The following TPD52 variants were observed in gnomAD, a reference collection of about 807,000 sequenced individuals.
TPD52 encodes prostate and colon associated protein.
Under a neutral mutation model 31.3 loss-of-function variants are expected in TPD52, and 17 were observed. The ratio of observed to expected loss-of-function variants is 0.54; its 90% CI spans 0.37 to 0.82. TPD52 has a LOEUF of 0.82. Ranked by LOEUF, TPD52 falls within the 40% of genes least tolerant of loss-of-function variation. The pLI is 0.00. For synonymous variants in TPD52, 83 were observed against 89.6 expected, an observed-to-expected ratio of 0.93 and a Z score of 0.42; for missense variants, 212 against 240.1, an observed-to-expected ratio of 0.88 and a Z score of 0.77.
chr8:80,056,306 G>T (rs987051140), intron 2 of TPD52, among the ~76,000 whole-genome samples: 2 of 152,134 alleles, frequency 1.3e-5, no homozygotes, highest in Non-Finnish European at 2.9e-5. Flanking sequence ...ACATGTGGAC[G>T]CCAAGAAAAA....
chr8:80,131,315 C>T (rs912638915), intron 1 of TPD52, among the ~76,000 whole-genome samples: 5 of 152,214 alleles, frequency 3.3e-5, no homozygotes, highest in Non-Finnish European at 5.9e-5. Context: ...AATTAATAAA[C>T]TATTATTCTA....
chr8:80,039,951 G>A (rs7827979), intron 7 of TPD52, among the ~76,000 whole-genome samples: 23,593 of 151,800 alleles, frequency 0.16, 4,419 homozygotes, highest in African/African-American at 0.45. Context: ...AATTGTCTAG[G>A]CATCTTGCAG....
intron 1 of TPD52, among the ~76,000 whole-genome samples, chr8:80,147,912 A>G (rs992183408): frequency 6.6e-6 from 1 of 152,142 alleles, no homozygotes; most frequent in African/African-American, 2.4e-5. Context: ...AGTGAAATCA[A>G]CCATTACTGC....
chr8:80,148,807 G>C (rs4237108), intron 1 of TPD52, among the ~76,000 whole-genome samples: 79,069 of 151,868 alleles, frequency 0.52, 21,277 homozygotes, highest in East Asian at 0.79. Flanking sequence ...GAAGACTGAA[G>C]AACTACAAAG....
intron 1 of TPD52, among the ~76,000 whole-genome samples, chr8:80,139,991 A>G (rs558340516): frequency 1.6e-4 from 24 of 152,354 alleles, no homozygotes; most frequent in African/African-American, 4.8e-4. Flanking sequence ...CTAATTTCAT[A>G]TCTGACTGAA....
At chr8:80,102,375 T>A (rs1730940957) in intron 1 of TPD52, among the ~76,000 whole-genome samples, 1 of 152,114 alleles carries the variant, frequency 6.6e-6, no homozygotes, top group South Asian at 2.1e-4. Context: ...CCAGAGAAAG[T>A]GGTTGACAGA....
intron 1 of TPD52, among the ~76,000 whole-genome samples, chr8:80,128,190 TTGTA>T (rs1808765014): frequency 6.6e-6 from 1 of 152,112 alleles, no homozygotes; most frequent in African/African-American, 2.4e-5. Context: ...TCTGTTCATT[TTGTA>T]TATTTTTAAA....
At chr8:80,083,248 G>A (rs1346679877) in intron 1 of TPD52, among the ~76,000 whole-genome samples, 1 of 151,974 alleles carries the variant, frequency 6.6e-6, no homozygotes, top group Non-Finnish European at 1.5e-5. Flanking sequence ...TTATAAAGAT[G>A]ACTCTAGAAA....
At chr8:80,116,297 G>A (rs1263599168) in intron 1 of TPD52, among the ~76,000 whole-genome samples, 2 of 152,064 alleles carry the variant, frequency 1.3e-5, no homozygotes, top group East Asian at 3.9e-4. Context: ...AAGCAAGGTA[G>A]AACTAAAATC....
intron 1 of TPD52, among the ~76,000 whole-genome samples, chr8:80,159,396 C>T (rs972825522): frequency 2.8e-4 from 43 of 152,160 alleles, no homozygotes; most frequent in African/African-American, 8.7e-4. Flanking sequence ...TTCCATGGCT[C>T]CTACCACAGC....
chr8:80,036,635 T>C lies in TPD52; in HGVS notation c.*1481A>G, dbSNP rs1186719526. On this transcript the variant is annotated 3_prime_UTR_variant, in exon 8 of 8. Transcript: ENST00000518937. ...TAAGCTTTTCACATGTGATAGCACA[T>C]AGTTTTAATTGCATCCAAAGTACTA... The C allele has an allele frequency of 1.3e-5, 2 of 152,664 alleles. No individual in the cohort carries two copies. Among genetic ancestry groups the C allele is most frequent in the African/African-American group, 4.8e-5 (2 of 41,464 alleles). The allele number at this position is 152,664 out of a possible 1,614,324, so 9.5% of individuals were successfully genotyped here.
At chr8:80,052,586 A>G (rs1178716234) in intron 3 of TPD52, 13 of 1,282,928 alleles carry the variant, frequency 1.0e-5, no homozygotes, top group Non-Finnish European at 1.3e-5. Context: ...GTTAAATTGT[A>G]AAACAACTTC....
chr8:80,033,329 C>A (rs1422691623), downstream of TPD52: 2 of 47,592 alleles, frequency 4.2e-5, no homozygotes, highest in African/African-American at 9.4e-5. Flanking sequence ...GGGGGGGGGA[C>A]ATTGTTGGGG....
At position 80,037,982 on chromosome 8, in the gene TPD52, T is replaced by C. The variant is rs968860142; in HGVS notation, c.*134A>G. 5 of 1,270,492 alleles carry C rather than the reference T, an allele frequency of 3.9e-6. No homozygotes were observed. The Admixed American group carries it at 9.1e-5, about 23-fold the overall frequency. 78.7% of individuals were successfully genotyped at this position (1,270,492 alleles called of 1,614,324 possible). A position where few individuals can be genotyped will look rare whatever the true frequency, so the allele number is the denominator to read the frequency against. ...TTTTCATTTTGTTTAACCCACAAAC[T>C]ATTTGGTCAAAGGAATATGTAAAGC... is the stretch of plus-strand genomic sequence containing the variant. On this transcript the variant is annotated 3_prime_UTR_variant, in exon 8 of 8. Coordinates refer to ENST00000518937, the MANE Select transcript of TPD52 (RefSeq NM_001025253.3).
chr8:80,127,807 C>T (rs1167030634), intron 1 of TPD52: 3 of 122,754 alleles, frequency 2.4e-5, no homozygotes, highest in African/African-American at 8.3e-5. Context: ...CACACACACA[C>T]ACACACACAC....
At chr8:80,164,895 T>C (rs1182946112) in intron 1 of TPD52, among the ~76,000 whole-genome samples, 1 of 37,658 alleles carries the variant, frequency 2.7e-5, no homozygotes, top group Non-Finnish European at 4.3e-5. Flanking sequence ...GGAGACAATG[T>C]CTCAAAAAAA....
downstream of TPD52, among the ~76,000 whole-genome samples, chr8:80,033,499 T>C (rs1809746019): frequency 6.6e-6 from 1 of 152,190 alleles, no homozygotes; most frequent in Non-Finnish European, 1.5e-5. Context: ...ATAGCAGCTC[T>C]GGCTCAGGGA....
intron 2 of TPD52, among the ~76,000 whole-genome samples, chr8:80,054,837 T>G (rs562047282): frequency 6.6e-6 from 1 of 152,240 alleles, no homozygotes; most frequent in Non-Finnish European, 1.5e-5. Flanking sequence ...AATAATCCCC[T>G]GTGCTTGTCA....
At position 80,051,577 on chromosome 8, in the gene TPD52, A is replaced by C. The variant is rs1811392798; in HGVS notation, c.336T>G (p.Ala112=). 6.2e-7 allele frequency: 1 copy of C among 1,613,746 alleles called. No individual in the cohort carries two copies. The highest frequency in any genetic ancestry group is 8.5e-7 in the Non-Finnish European group (1 of 1,179,780). The change falls in exon 4 of 8, where the codon GCT becomes GCG. Residue 112 remains alanine, a synonymous_variant. Coordinates refer to ENST00000518937, the MANE Select transcript of TPD52 (RefSeq NM_001025253.3). The part of the protein sequence containing the change: ...TLSQAGQKAS[A]AFSSVGSVIT... ...TGACTGAGCCAACAGACGAAAAAGCAGCTGAGGCCTTCTGTCCAGCCTGGG... is the reference window on the plus strand; with the variant it reads ...TGACTGAGCCAACAGACGAAAAAGCCGCTGAGGCCTTCTGTCCAGCCTGGG...
Sources: gnomAD v4.1 joint callset for allele counts (sites outside exome capture counted in the v4.1 genomes callset) on GRCh38, gnomAD v4.1.1 for gene constraint, MANE v1.5 for transcripts, NCBI Gene and HGNC (gene_info 2026-07-23, HGNC 2026-07-21) for gene names.